The following DMD variants were observed in gnomAD, a reference collection of about 807,000 sequenced individuals.
DMD encodes the protein dystrophin, also known as mutant dystrophin.
A neutral mutation model predicts 330.1 loss-of-function variants in DMD; 63 were observed. The observed-to-expected ratio is 0.19, with a 90% CI of 0.16 to 0.24. The LOEUF (loss-of-function observed/expected upper bound fraction) is 0.24, where lower values mean the gene tolerates loss of function less well. DMD is among the 10% of genes least tolerant of loss of function. DMD has a pLI of 1.00. For synonymous variants in DMD, 1,223 were observed against 959.8 expected, an observed-to-expected ratio of 1.27 and a Z score of -5.07; for missense variants, 3,344 against 2,684.1, an observed-to-expected ratio of 1.25 and a Z score of -5.43.
intron 44 of DMD, among the ~76,000 whole-genome samples, chrX:32,026,650 C>G (rs1332608426): frequency 8.9e-6 from 1 of 112,322 alleles, no homozygotes; most frequent in African/African-American, 3.2e-5. Context: ...TCTTTCTCCC[C>G]TTTCAACGAT....
chrX:32,583,840 AAAAC>A lies in DMD; in HGVS notation c.1603-9998_1603-9995del, dbSNP rs762098238. Reference sequence around the variant, plus strand: ...ATAGGTGGATTGTAATACGAAAGGTAAAACAAACAGTTCCTATATAGCAACCCAG... The same window carrying A: ...ATAGGTGGATTGTAATACGAAAGGTAAAACAGTTCCTATATAGCAACCCAG... On this transcript the variant is annotated intron_variant, in intron 13 of 78. Coordinates refer to ENST00000357033, the MANE Select transcript of DMD (RefSeq NM_004006.3). 24 of 112,429 alleles carry A rather than the reference AAAAC, an allele frequency of 2.1e-4. No homozygotes were observed. The East Asian group carries it at 6.2e-3, about 29-fold the overall frequency. 9.3% of individuals were successfully genotyped at this position (112,429 alleles called of 1,213,427 possible).
Position 31,120,196 on chromosome X carries a change from C to T in DMD, c.*1723G>A, listed in dbSNP as rs762197910. On this transcript the variant is annotated 3_prime_UTR_variant, in exon 79 of 79. Transcript: ENST00000357033. Reference sequence around the variant, plus strand: ...TAAAAATCAAAAAGAAATAAAATGGCATGAAAGAGTAAAGCTTTTTCCTAC... The same window carrying T: ...TAAAAATCAAAAAGAAATAAAATGGTATGAAAGAGTAAAGCTTTTTCCTAC... 1.2e-4 allele frequency: 13 copies of T among 111,664 alleles called. No homozygotes were observed. The highest frequency in any genetic ancestry group is 1.9e-4 in the Non-Finnish European group (10 of 52,894). 9.2% of individuals were successfully genotyped at this position (111,664 alleles called of 1,213,427 possible).
intron 9 of DMD, among the ~76,000 whole-genome samples, chrX:32,670,178 G>A (rs935175896): frequency 9.0e-6 from 1 of 111,454 alleles, no homozygotes; most frequent in Admixed American, 9.6e-5. Context: ...TCTCTACTGT[G>A]TCTTAAAGCA....
intron 44 of DMD, among the ~76,000 whole-genome samples, chrX:32,196,983 T>C (rs1281705774): frequency 5.2e-4 from 3 of 5,716 alleles, no homozygotes; most frequent in African/African-American, 4.7e-3. Context: ...CGAGACTCCA[T>C]CTCAAAAAAA....
At chrX:32,512,410 C>G (rs535389507) in intron 18 of DMD, among the ~76,000 whole-genome samples, 1 of 111,983 alleles carries the variant, frequency 8.9e-6, no homozygotes, top group Admixed American at 9.5e-5. Context: ...TTGTTCTATC[C>G]TTCATATTGG....
At chrX:32,935,307 A>C (rs925263413) in intron 2 of DMD, among the ~76,000 whole-genome samples, 2 of 112,370 alleles carry the variant, frequency 1.8e-5, no homozygotes, top group African/African-American at 3.2e-5. Context: ...ATGAAGTTTT[A>C]TTAGACTCAC....
At chrX:33,145,642 A>AATATAT (rs372303754) in intron 1 of DMD, among the ~76,000 whole-genome samples, 1 of 103,600 alleles carries the variant, frequency 9.7e-6, no homozygotes, top group African/African-American at 3.4e-5. Context: ...TATAATACTA[A>AATATAT]ATATATATAT....
At chrX:31,791,286 TA>T (rs1031527830) in intron 50 of DMD, among the ~76,000 whole-genome samples, 2 of 112,270 alleles carry the variant, frequency 1.8e-5, no homozygotes, top group African/African-American at 6.5e-5. Context: ...AATATTTTTA[TA>T]TTTTTTTATA....
chrX:32,696,726 C>A (rs1419960858), intron 9 of DMD, among the ~76,000 whole-genome samples: 2 of 110,436 alleles, frequency 1.8e-5, no homozygotes, highest in African/African-American at 6.6e-5. Flanking sequence ...GGTGTATGCT[C>A]CTTAATCTTA....
rs762154042 is a variant in DMD at position 32,472,201 on chromosome X, T to A, written c.2912A>T (p.Asp971Val). ...GAGTCTCTGCTCCATGATTTCATAG[T>A]CGGTGACACTAAGTTGAGGTATGGA... is the stretch of plus-strand genomic sequence containing the variant. ...KLSIPQLSVT[D>V]YEIMEQRLGE... Residue 971 changes from aspartate (D) to valine (V), a missense_variant, in exon 22 of 79, where the codon GAC (aspartate) becomes GTC (valine). Transcript: ENST00000357033. 1.9e-5 allele frequency: 23 copies of A among 1,209,511 alleles called. No individual in the cohort carries two copies. The Admixed American group carries it at 5.0e-4, about 26-fold the overall frequency.
At chrX:32,506,190 T>C (rs2148719357) in intron 18 of DMD, among the ~76,000 whole-genome samples, 1 of 111,435 alleles carries the variant, frequency 9.0e-6, no homozygotes, top group South Asian at 3.8e-4. Context: ...GAGATAATGA[T>C]GTGTCAATGT....
At chrX:32,918,144 T>A (rs2088025772) in intron 2 of DMD, among the ~76,000 whole-genome samples, 1 of 111,233 alleles carries the variant, frequency 9.0e-6, no homozygotes, top group Admixed American at 9.6e-5. Flanking sequence ...ATTTTATGGC[T>A]AAAATATATG....
At chrX:31,687,270 G>T (rs2082745951) in intron 52 of DMD, among the ~76,000 whole-genome samples, 1 of 110,940 alleles carries the variant, frequency 9.0e-6, no homozygotes, top group Admixed American at 9.6e-5. Flanking sequence ...GACCCCTTCT[G>T]TTTGAGAAAA....
chrX:33,173,362 T>G (rs2049462763), intron 1 of DMD, among the ~76,000 whole-genome samples: 1 of 111,863 alleles, frequency 8.9e-6, no homozygotes. Context: ...GGCTATGATG[T>G]TTATGTATTT....
chrX:31,701,867 G>A (rs2083835663), intron 52 of DMD, among the ~76,000 whole-genome samples: 1 of 112,366 alleles, frequency 8.9e-6, no homozygotes, highest in South Asian at 3.6e-4. Flanking sequence ...AGATTTTTCA[G>A]GTGATTACAT....
chrX:31,430,793 CTTTTTTTTTTTT>C (rs565087970), intron 60 of DMD, among the ~76,000 whole-genome samples: 7 of 48,338 alleles, frequency 1.4e-4, no homozygotes, highest in Admixed American at 2.6e-4. Context: ...AAGTTAAGGT[CTTTTTTTTTTTT>C]TTTTTTTTTT....
At chrX:32,439,115 A>T (rs1222361296) in intron 28 of DMD, among the ~76,000 whole-genome samples, 2 of 111,886 alleles carry the variant, frequency 1.8e-5, no homozygotes, top group Middle Eastern at 4.2e-3. Context: ...GCCAGAAAAC[A>T]AGGGATTCAA....
At chrX:31,604,272 G>A (rs1414168969) in intron 55 of DMD, among the ~76,000 whole-genome samples, 1 of 111,701 alleles carries the variant, frequency 9.0e-6, no homozygotes, top group Non-Finnish European at 1.9e-5. Context: ...TTTTACATTG[G>A]AGGCTAAATA....
chrX:31,300,786 C>T lies in DMD; in HGVS notation c.9224+22812G>A, dbSNP rs186187971. Among the ~76,000 whole-genome samples, 168 of 111,631 alleles carry T rather than the reference C, an allele frequency of 1.5e-3. 1 individual carries two copies. The highest frequency in any genetic ancestry group is 4.9e-3 in the African/African-American group (150 of 30,760). On this transcript the variant is annotated intron_variant, in intron 62 of 78. Transcript: ENST00000357033. ...AACATTTATTATTTTTGTTATGACA[C>T]GGAAAACTTACAAATATTAATTTCT... is the stretch of plus-strand genomic sequence containing the variant.
Sources: gnomAD v4.1 joint callset for allele counts (sites outside exome capture counted in the v4.1 genomes callset) on GRCh38, gnomAD v4.1.1 for gene constraint, MANE v1.5 for transcripts, NCBI Gene and HGNC (gene_info 2026-07-23, HGNC 2026-07-21) for gene names.